PCDH7: variants seen among roughly 807,000 people sequenced by gnomAD.
PCDH7 encodes protocadherin-7.
PCDH7 carries 17 observed loss-of-function variants against 58.9 expected under a neutral mutation model. The ratio of observed to expected loss-of-function variants is 0.29; its 90% confidence interval spans 0.20 to 0.43. PCDH7 has a LOEUF of 0.43. Ranked by LOEUF, PCDH7 falls within the 20% of genes least tolerant of loss-of-function variation. The pLI, the probability that PCDH7 is intolerant of heterozygous loss-of-function variation, is 1.00. For missense variants in PCDH7, 1,274 were observed against 1,441.0 expected (o/e 0.88, Z 1.88); for synonymous variants, 664 against 616.4 (o/e 1.08, Z -1.14).
intron 1 of PCDH7, among the ~76,000 whole-genome samples, chr4:30,793,574 A>G (rs950710579): frequency 6.6e-6 from 1 of 152,132 alleles, no homozygotes; most frequent in Non-Finnish European, 1.5e-5. Flanking sequence ...AGAATTGTTG[A>G]TGGCTGTGTC....
intron 3 of PCDH7, among the ~76,000 whole-genome samples, chr4:30,959,685 C>T (rs1445487907): frequency 6.6e-6 from 1 of 152,136 alleles, no homozygotes; most frequent in Non-Finnish European, 1.5e-5. Flanking sequence ...GTGACCATGA[C>T]ATCTAAGGAT....
At chr4:30,963,675 A>G (rs930816685) in intron 3 of PCDH7, among the ~76,000 whole-genome samples, 4 of 152,178 alleles carry the variant, frequency 2.6e-5, no homozygotes, top group African/African-American at 4.8e-5. Flanking sequence ...TAGGCTGTGC[A>G]TTTTAGAATG....
chr4:31,145,465 A>G (rs1359965686), downstream of PCDH7: 2 of 151,830 alleles, frequency 1.3e-5, no homozygotes, highest in South Asian at 2.1e-4. Flanking sequence ...AAAAAAATCA[A>G]TAAAAAGAAA....
At chr4:30,734,903 T>C (rs1322719538), downstream of PCDH7, among the ~76,000 whole-genome samples, 4 of 152,118 alleles carry the variant, frequency 2.6e-5, no homozygotes, top group African/African-American at 9.7e-5. Flanking sequence ...GCTGGGTGGG[T>C]GTCTCCAAGA....
In PCDH7 at chr4:30,995,505, C is replaced by T. The variant is rs190507607; in HGVS notation, c.*7+45290C>T. On this transcript the variant is annotated intron_variant, in intron 3 of 3. Coordinates refer to the PCDH7 transcript ENST00000509759. ...CCAGCCTGGGCGACAGAGCGAGACT[C>T]CCTCCCAAAGGAAAAAAAAAAAAAG... is the stretch of plus-strand genomic sequence containing the variant. Among the ~76,000 whole-genome samples the T allele has an allele frequency of 2.5e-3, 373 of 147,376 alleles. 1 individual carries two copies. The highest frequency in any genetic ancestry group is 8.1e-3 in the African/African-American group (327 of 40,142).
chr4:31,097,621 T>TAAAA (rs1714275932), intron 3 of PCDH7, among the ~76,000 whole-genome samples: 1 of 39,688 alleles, frequency 2.5e-5, no homozygotes, highest in Non-Finnish European at 3.8e-5. Context: ...TATATATATA[T>TAAAA]ATATATATAT....
chr4:30,812,386 T>C (rs866542274), intron 1 of PCDH7, among the ~76,000 whole-genome samples: 26 of 152,206 alleles, frequency 1.7e-4, no homozygotes, highest in Non-Finnish European at 2.9e-5. Flanking sequence ...ACATGAAAAA[T>C]AATGTAACAT....
chr4:30,856,738 T>C (rs1733517003), intron 1 of PCDH7, among the ~76,000 whole-genome samples: 1 of 150,508 alleles, frequency 6.6e-6, no homozygotes, highest in African/African-American at 2.4e-5. Context: ...TTTAAACAAG[T>C]GTAAGCCAGA....
chr4:31,137,997 T>A (rs1330916189), intron 3 of PCDH7, among the ~76,000 whole-genome samples: 1 of 152,118 alleles, frequency 6.6e-6, no homozygotes, highest in East Asian at 1.9e-4. Context: ...TTAAAATCCT[T>A]CCTGGTGCAG....
exon 2 of PCDH7, chr4:30,731,132 G>A (rs1471038501): frequency 3.9e-6 from 4 of 1,026,454 alleles, no homozygotes; most frequent in Non-Finnish European, 4.7e-6. Context: ...GAGACTTTGT[G>A]TGAACAAAGG....
intron 1 of PCDH7, among the ~76,000 whole-genome samples, chr4:30,729,417 A>T (rs1341528356): frequency 6.6e-6 from 1 of 151,994 alleles, no homozygotes; most frequent in East Asian, 1.9e-4. Context: ...ATAATTCAAA[A>T]TTTACAGAAT....
At chr4:30,965,374 T>C (rs1278197711) in intron 3 of PCDH7, among the ~76,000 whole-genome samples, 1 of 152,106 alleles carries the variant, frequency 6.6e-6, no homozygotes, top group Non-Finnish European at 1.5e-5. Flanking sequence ...ATTTAAAAAT[T>C]GATGGCTAAT....
intron 1 of PCDH7, among the ~76,000 whole-genome samples, chr4:30,772,195 C>T (rs770891156): frequency 6.6e-6 from 1 of 152,130 alleles, no homozygotes; most frequent in Non-Finnish European, 1.5e-5. Context: ...TTGTACACTT[C>T]CATAGGTTCT....
At chr4:31,142,654 T>G (rs1315421256) in exon 4 of PCDH7, 1 of 1,367,610 alleles carries the variant, frequency 7.3e-7, no homozygotes, top group East Asian at 4.6e-5. Flanking sequence ...AGCTGGCCAA[T>G]GGGGAGGCCG....
intron 1 of PCDH7, among the ~76,000 whole-genome samples, chr4:30,796,447 C>G (rs1724784663): frequency 6.6e-6 from 1 of 152,142 alleles, no homozygotes; most frequent in Non-Finnish European, 1.5e-5. Flanking sequence ...AGAGTTCTCT[C>G]TTTCTATGTA....
intron 1 of PCDH7, among the ~76,000 whole-genome samples, chr4:30,806,727 CAG>C (rs1726267204): frequency 6.6e-6 from 1 of 151,744 alleles, no homozygotes; most frequent in African/African-American, 2.4e-5. Flanking sequence ...CATGTCTTGA[CAG>C]AGGCTTCTCT....
At chr4:30,871,180 A>G (rs572134769) in intron 1 of PCDH7, among the ~76,000 whole-genome samples, 16 of 152,258 alleles carry the variant, frequency 1.1e-4, no homozygotes, top group African/African-American at 3.8e-4. Context: ...TATGCTTATT[A>G]GTTACTGTGG....
intron 1 of PCDH7, among the ~76,000 whole-genome samples, chr4:30,888,585 T>C (rs572710252): frequency 6.6e-6 from 1 of 152,304 alleles, no homozygotes; most frequent in Non-Finnish European, 1.5e-5. Context: ...ACACTGGATA[T>C]TTTATAGTAT....
intron 3 of PCDH7, among the ~76,000 whole-genome samples, chr4:31,047,883 G>A (rs528053356): frequency 6.6e-6 from 1 of 152,034 alleles, no homozygotes; most frequent in Admixed American, 6.6e-5. Flanking sequence ...CTTGATAGGA[G>A]GTCTGTTTGG....
Sources: allele counts gnomAD v4.1 joint callset (sites outside exome capture counted in the v4.1 genomes callset), GRCh38; gene constraint gnomAD v4.1.1; transcripts MANE v1.5; gene names NCBI Gene and HGNC (gene_info 2026-07-23, HGNC 2026-07-21).